TNKS: variants seen among roughly 807,000 people sequenced by gnomAD.
TNKS encodes poly [ADP-ribose] polymerase tankyrase-1.
In TNKS, 72 loss-of-function variants were observed where a neutral mutation model predicts 135.8. That is an observed-to-expected ratio of 0.53 (90% CI 0.44 to 0.64). The LOEUF (loss-of-function observed/expected upper bound fraction) is 0.64. TNKS is among the 30% of genes least tolerant of loss of function. TNKS has a pLI of 0.00. For missense variants in TNKS, 1,769 were observed against 1,674.0 expected (o/e 1.06, Z -0.99); for synonymous variants, 849 against 649.3 (o/e 1.31, Z -4.68).
intron 1 of TNKS, among the ~76,000 whole-genome samples, chr8:9,577,491 G>A (rs1585188115): frequency 6.6e-6 from 1 of 152,158 alleles, no homozygotes; most frequent in Non-Finnish European, 1.5e-5. Context: ...TCACAGTCGT[G>A]ACGGGAGGTG....
At chr8:9,584,517 A>C (rs12549064) in intron 2 of TNKS, among the ~76,000 whole-genome samples, 26,886 of 151,948 alleles carry the variant, frequency 0.18, 2,598 homozygotes, top group East Asian at 0.31. Flanking sequence ...TGTGCTTCCT[A>C]CTCTTAGCTC....
Position 9,765,753 on chromosome 8 carries a change from C to G in TNKS, c.3509C>G (p.Ser1170Cys), listed in dbSNP as rs1196010929. The G allele has an allele frequency of 3.7e-6, 6 of 1,613,956 alleles. No individual in the cohort carries two copies. Among genetic ancestry groups the G allele is most frequent in the Admixed American group, 1.7e-5 (1 of 60,010 alleles). Reference sequence around the variant, plus strand: ...TTCTGCCACCGACAGAAGGAAGTGTCTGAGGAGAATCACAACCATCACAAT... The same window carrying G: ...TTCTGCCACCGACAGAAGGAAGTGTGTGAGGAGAATCACAACCATCACAAT... ...ERFCHRQKEV[S>C]EENHNHHNER... Residue 1170 changes from serine to cysteine, a missense_variant, in exon 24 of 27, where the codon TCT becomes TGT. This residue lies in a region of TNKS where 722 missense variants were observed against 688.9 expected (regional missense o/e 1.05). Coordinates refer to ENST00000310430, the MANE Select transcript of TNKS (RefSeq NM_003747.3).
Position 9,776,644 on chromosome 8 carries a change from T to G in TNKS, c.3898-6T>G. 6.2e-7 allele frequency: 1 copy of G among 1,613,760 alleles called. No homozygotes were observed. The highest frequency in any genetic ancestry group is 1.1e-5 in the South Asian group (1 of 91,076). ...GGTGATTTGTTTTTCTTCTTGTCCTTCCCAGGCATACCCAGAGTATCTTAT... is the reference window on the plus strand; with the variant it reads ...GGTGATTTGTTTTTCTTCTTGTCCTGCCCAGGCATACCCAGAGTATCTTAT... On this transcript the variant is annotated splice_region_variant and splice_polypyrimidine_tract_variant and intron_variant, in intron 26 of 26. Transcript: ENST00000310430.
chr8:9,646,736 AG>A (rs1800933359), intron 3 of TNKS, among the ~76,000 whole-genome samples: 1 of 152,130 alleles, frequency 6.6e-6, no homozygotes, highest in African/African-American at 2.4e-5. Context: ...ATGCTTACAT[AG>A]GTTTTTTCTT....
chr8:9,621,987 A>G (rs769323340), intron 3 of TNKS, among the ~76,000 whole-genome samples: 1 of 152,226 alleles, frequency 6.6e-6, no homozygotes, highest in Non-Finnish European at 1.5e-5. Flanking sequence ...TACTCATTTT[A>G]AATATATGTT....
intron 24 of TNKS, 59 bp from the exon 25 acceptor site, chr8:9,766,180 G>A: frequency 7.0e-7 from 1 of 1,430,496 alleles, no homozygotes. Context: ...ATAGTGTGCA[G>A]GTAATTGAGC....
intron 3 of TNKS, among the ~76,000 whole-genome samples, chr8:9,664,991 T>C (rs1443242761): frequency 6.6e-6 from 1 of 152,220 alleles, no homozygotes; most frequent in Non-Finnish European, 1.5e-5. Flanking sequence ...TAGTAACTTC[T>C]TTTTGGAACT....
chr8:9,658,371 G>T (rs923345911), intron 3 of TNKS: 94 of 1,242,738 alleles, frequency 7.6e-5, no homozygotes, highest in Non-Finnish European at 1.0e-5. Flanking sequence ...CCGGCGCGGC[G>T]GCAAAGACTG....
At chr8:9,556,756 T>C (rs1815332222) in intron 1 of TNKS, 144 bp downstream of exon 1, 2 of 834,160 alleles carry the variant, frequency 2.4e-6, no homozygotes, top group Non-Finnish European at 3.5e-6. Flanking sequence ...TGGAGGTTCC[T>C]TTCTTTTGGT....
chr8:9,740,744 A>G (rs1456365132), intron 17 of TNKS, among the ~76,000 whole-genome samples: 1 of 152,052 alleles, frequency 6.6e-6, no homozygotes, highest in Non-Finnish European at 1.5e-5. Context: ...TTCTCTGAGC[A>G]ACAAATACTT....
intron 3 of TNKS, among the ~76,000 whole-genome samples, chr8:9,671,421 C>G (rs779753292): frequency 6.5e-4 from 99 of 152,062 alleles, no homozygotes; most frequent in Non-Finnish European, 1.2e-3. Flanking sequence ...TATAACTTAA[C>G]AATAAGAAGG....
intron 5 of TNKS, among the ~76,000 whole-genome samples, chr8:9,681,821 A>T (rs1343204709): frequency 6.6e-6 from 1 of 152,074 alleles, no homozygotes; most frequent in Non-Finnish European, 1.5e-5. Context: ...TTTTAATGAA[A>T]TCCAAAAATA....
At chr8:9,675,734 C>T (rs1432586507) in intron 3 of TNKS, among the ~76,000 whole-genome samples, 2 of 152,018 alleles carry the variant, frequency 1.3e-5, no homozygotes, top group Non-Finnish European at 1.5e-5. Flanking sequence ...ATGTCTTTTT[C>T]CAGAACTCAG....
chr8:9,610,403 ATAT>A (rs1352866830), intron 2 of TNKS, among the ~76,000 whole-genome samples: 27 of 151,784 alleles, frequency 1.8e-4, no homozygotes, highest in Non-Finnish European at 3.1e-4. Context: ...CCATTATATA[ATAT>A]TATACCATTT....
At chr8:9,771,760 G>C (rs1474100366) in intron 26 of TNKS, among the ~76,000 whole-genome samples, 2 of 83,782 alleles carry the variant, frequency 2.4e-5, no homozygotes, top group African/African-American at 1.0e-4. Flanking sequence ...GGAGGAAGGA[G>C]AGAGAAAAAA....
At chr8:9,683,272 A>G (rs1802858471) in intron 5 of TNKS, among the ~76,000 whole-genome samples, 1 of 152,052 alleles carries the variant, frequency 6.6e-6, no homozygotes, top group Admixed American at 6.6e-5. Flanking sequence ...GTTGTTATCA[A>G]GAAAACAAAT....
intron 3 of TNKS, among the ~76,000 whole-genome samples, chr8:9,620,091 A>G (rs1263485581): frequency 1.3e-5 from 2 of 151,934 alleles, no homozygotes; most frequent in African/African-American, 4.8e-5. Context: ...CTGGGACTAT[A>G]GGCAGGCGCC....
intron 17 of TNKS, chr8:9,741,821 G>C: frequency 2.3e-6 from 1 of 431,184 alleles, no homozygotes; most frequent in South Asian, 1.8e-5. Context: ...CACCTGAAGA[G>C]AGGTGTAATG....
chr8:9,751,730 G>A lies in TNKS; in HGVS notation c.2954G>A (p.Cys985Tyr), dbSNP rs1322686942. 4 of 1,614,032 alleles carry A rather than the reference G, an allele frequency of 2.5e-6. No homozygotes were observed. In the African/African-American group the frequency reaches 4.0e-5, roughly 16 times the overall value. Residue 985 changes from cysteine to tyrosine, a missense_variant, in exon 19 of 27, where the codon TGC becomes TAC. Coordinates refer to ENST00000310430, the MANE Select transcript of TNKS (RefSeq NM_003747.3). ...ATCTCACCAGCATCCACCCCCTCCTGCCTCTCGGCTGCCAGCAGCATAGAC... is the reference window on the plus strand; with the variant it reads ...ATCTCACCAGCATCCACCCCCTCCTACCTCTCGGCTGCCAGCAGCATAGAC... ...SLISPASTPS[C>Y]LSAASSIDNL...
Sources: gnomAD v4.1 joint callset for allele counts (sites outside exome capture counted in the v4.1 genomes callset) on GRCh38, gnomAD v4.1.1 for gene constraint, gnomAD v4.1.1 regional missense constraint, MANE v1.5 for transcripts, NCBI Gene and HGNC (gene_info 2026-07-23, HGNC 2026-07-21) for gene names.